CA10: variants seen among roughly 807,000 people sequenced by gnomAD.
The protein encoded by CA10 is carbonic anhydrase-related protein 10.
Under a neutral mutation model 44.2 loss-of-function variants are expected in CA10, and 14 were observed. The ratio of observed to expected loss-of-function variants is 0.32; its 90% CI spans 0.21 to 0.50. The LOEUF (loss-of-function observed/expected upper bound fraction) is 0.50, where lower values mean the gene tolerates loss of function less well. Among genes scored for constraint, CA10 ranks in the 20% least tolerant of loss-of-function variants. CA10 has a pLI of 0.99. For synonymous variants in CA10, 159 were observed against 141.6 expected, an observed-to-expected ratio of 1.12 and a Z score of -0.87; for missense variants, 350 against 409.7, an observed-to-expected ratio of 0.85 and a Z score of 1.26.
chr17:51,812,801 G>A (rs1598057634), intron 3 of CA10, among the ~76,000 whole-genome samples: 1 of 152,158 alleles, frequency 6.6e-6, no homozygotes, highest in Admixed American at 6.5e-5. Flanking sequence ...TCTATGGCTT[G>A]AGTACAAGGA....
chr17:52,153,723 T>C (rs1469892641), intron 1 of CA10, among the ~76,000 whole-genome samples: 4 of 152,170 alleles, frequency 2.6e-5, no homozygotes, highest in African/African-American at 9.7e-5. Context: ...CAAGTTGATA[T>C]GGAAAAAGGT....
chr17:52,026,565 T>C (rs962076967), intron 2 of CA10, among the ~76,000 whole-genome samples: 1 of 152,082 alleles, frequency 6.6e-6, no homozygotes, highest in Admixed American at 6.6e-5. Flanking sequence ...AGAGGTTTCA[T>C]TGAGTCATAG....
intron 3 of CA10, among the ~76,000 whole-genome samples, chr17:51,795,536 A>G (rs528276210): frequency 8.3e-4 from 127 of 152,374 alleles, no homozygotes; most frequent in African/African-American, 2.9e-3. Context: ...ATAGTCAACC[A>G]GAAGATTTAA....
At chr17:52,034,828 C>T (rs1163759755) in intron 2 of CA10, among the ~76,000 whole-genome samples, 1 of 152,054 alleles carries the variant, frequency 6.6e-6, no homozygotes, top group Non-Finnish European at 1.5e-5. Context: ...TATTGCACAG[C>T]TCAAGTAGGT....
chr17:51,676,862 C>T (rs1227612202), intron 4 of CA10, among the ~76,000 whole-genome samples: 1 of 152,058 alleles, frequency 6.6e-6, no homozygotes, highest in African/African-American at 2.4e-5. Flanking sequence ...CTTAGTAATC[C>T]TGAGACTGTG....
chr17:51,932,249 G>A (rs1470781351), intron 2 of CA10, among the ~76,000 whole-genome samples: 1 of 152,150 alleles, frequency 6.6e-6, no homozygotes, highest in Non-Finnish European at 1.5e-5. Context: ...TCCTGGAGAA[G>A]ATGAGCCTAA....
At chr17:51,903,442 G>T (rs1021349009) in intron 3 of CA10, among the ~76,000 whole-genome samples, 1 of 152,046 alleles carries the variant, frequency 6.6e-6, no homozygotes, top group Admixed American at 6.6e-5. Flanking sequence ...CCTGTTCTCA[G>T]TTTATATATG....
At chr17:52,034,123 G>A (rs1406518783) in intron 2 of CA10, among the ~76,000 whole-genome samples, 1 of 152,160 alleles carries the variant, frequency 6.6e-6, no homozygotes, top group East Asian at 1.9e-4. Flanking sequence ...ACAGGATAGT[G>A]CCTATAGTTA....
chr17:52,093,941 G>A (rs1222038426), intron 1 of CA10, among the ~76,000 whole-genome samples: 1 of 141,926 alleles, frequency 7.0e-6, no homozygotes, highest in Non-Finnish European at 1.5e-5. Context: ...GGGCCTGAAA[G>A]CAAGATTCAG....
chr17:51,687,328 T>C (rs1364561970), intron 4 of CA10, among the ~76,000 whole-genome samples: 2 of 152,214 alleles, frequency 1.3e-5, no homozygotes, highest in African/African-American at 4.8e-5. Flanking sequence ...CAATATCAAT[T>C]AGTCATTTAT....
intron 3 of CA10, among the ~76,000 whole-genome samples, chr17:51,773,856 C>G (rs1232034730): frequency 1.3e-5 from 2 of 152,184 alleles, no homozygotes; most frequent in Non-Finnish European, 2.9e-5. Context: ...ACTTGCAACA[C>G]AAAGCAAATC....
chr17:52,077,877 G>A (rs1452682074), intron 1 of CA10, among the ~76,000 whole-genome samples: 1 of 152,104 alleles, frequency 6.6e-6, no homozygotes, highest in African/African-American at 2.4e-5. Context: ...ACCCATGCTG[G>A]GTTTTTCAAA....
chr17:51,747,594 G>A (rs1904737042), intron 4 of CA10, 39 bp downstream of exon 4: 1 of 1,523,562 alleles, frequency 6.6e-7, no homozygotes, highest in South Asian at 1.3e-5. Context: ...AATCTTATAA[G>A]TTGACATTTA....
intron 2 of CA10, among the ~76,000 whole-genome samples, chr17:51,958,018 G>A (rs1983731800): frequency 6.6e-6 from 1 of 151,962 alleles, no homozygotes; most frequent in Non-Finnish European, 1.5e-5. Context: ...CGTAAATTGT[G>A]CATGCCTCTG....
intron 3 of CA10, among the ~76,000 whole-genome samples, chr17:51,817,082 G>T (rs1907590599): frequency 6.6e-6 from 1 of 152,144 alleles, no homozygotes; most frequent in Non-Finnish European, 1.5e-5. Context: ...TCTGAGCTTT[G>T]GCTTCCAAAC....
chr17:51,878,884 A>AGGG lies in CA10; in HGVS notation c.279+52105_279+52106insCCC, dbSNP rs1567870840. Reference sequence around the variant, plus strand: ...TATATATATATATATATATATATATATATATATGGGTGTGTGTGTGTGTGT... The same window carrying AGGG: ...TATATATATATATATATATATATATAGGGTATATATGGGTGTGTGTGTGTGTGT... On this transcript the variant is annotated intron_variant, in intron 3 of 8. Transcript: ENST00000451037. Among the ~76,000 whole-genome samples, 93 of 11,388 alleles carry AGGG rather than the reference A, an allele frequency of 8.2e-3. 5 individuals are homozygous for AGGG. The highest frequency in any genetic ancestry group is 0.038 in the East Asian group (9 of 234). 7.5% of individuals were successfully genotyped at this position (11,388 alleles called of 152,430 possible).
intron 2 of CA10, among the ~76,000 whole-genome samples, chr17:52,056,030 C>T (rs1406959486): frequency 6.6e-6 from 1 of 151,924 alleles, no homozygotes; most frequent in Non-Finnish European, 1.5e-5. Context: ...TGTAGTAGTT[C>T]ACATAAAGCA....
chr17:51,961,188 A>AACACAC (rs71149387), intron 2 of CA10, among the ~76,000 whole-genome samples: 6,165 of 145,040 alleles, frequency 0.043, 155 homozygotes, highest in African/African-American at 0.067. Context: ...TGTACACACA[A>AACACAC]ACACACACAC....
At chr17:52,002,777 C>T (rs1985469095) in intron 2 of CA10, among the ~76,000 whole-genome samples, 1 of 151,848 alleles carries the variant, frequency 6.6e-6, no homozygotes, top group Non-Finnish European at 1.5e-5. Context: ...TTCCACATTC[C>T]CTCATATAAG....
Sources: gnomAD v4.1 joint callset for allele counts (sites outside exome capture counted in the v4.1 genomes callset) on GRCh38, gnomAD v4.1.1 for gene constraint, MANE v1.5 for transcripts, NCBI Gene and HGNC (gene_info 2026-07-23, HGNC 2026-07-21) for gene names.